Variants in TENM2 observed in about 807,000 individuals in gnomAD.
The protein encoded by TENM2 is teneurin-2.
In TENM2, 52 loss-of-function variants were observed where a neutral mutation model predicts 245.2. That is an observed-to-expected ratio of 0.21 (90% CI 0.17 to 0.27). The LOEUF (loss-of-function observed/expected upper bound fraction) is 0.27, where lower values mean the gene tolerates loss of function less well. Ranked by LOEUF, TENM2 falls within the 10% of genes least tolerant of loss-of-function variation. The pLI, the probability that TENM2 is intolerant of heterozygous loss-of-function variation, is 1.00. For synonymous variants in TENM2, 1,363 were observed against 1,438.9 expected, an observed-to-expected ratio of 0.95 and a Z score of 1.19; for missense variants, 3,046 against 3,666.8, an observed-to-expected ratio of 0.83 and a Z score of 4.37.
chr5:168,032,576 C>T (rs1308575562), intron 5 of TENM2, among the ~76,000 whole-genome samples: 1 of 151,752 alleles, frequency 6.6e-6, no homozygotes, highest in Non-Finnish European at 1.5e-5. Flanking sequence ...AGGACCGATC[C>T]CATAGGTCCA....
intron 2 of TENM2, among the ~76,000 whole-genome samples, chr5:167,452,931 T>TTTATATA (rs1264260420): frequency 2.1e-4 from 1 of 4,872 alleles, no homozygotes; most frequent in African/African-American, 3.6e-4. Context: ...AAAGTATGAT[T>TTTATATA]TATATATATA....
At chr5:167,595,451 G>A (rs1196173102) in intron 2 of TENM2, among the ~76,000 whole-genome samples, 1 of 152,152 alleles carries the variant, frequency 6.6e-6, no homozygotes, top group Non-Finnish European at 1.5e-5. Flanking sequence ...CATGATCAAG[G>A]TTTTTGACAT....
intron 2 of TENM2, among the ~76,000 whole-genome samples, chr5:167,808,501 C>G (rs565537033): frequency 6.6e-6 from 1 of 152,132 alleles, no homozygotes; most frequent in Non-Finnish European, 1.5e-5. Context: ...CTCAGGTGAT[C>G]AGCCTACCTC....
intron 12 of TENM2, among the ~76,000 whole-genome samples, chr5:168,158,416 C>T (rs1293296940): frequency 6.6e-6 from 1 of 152,092 alleles, no homozygotes; most frequent in African/African-American, 2.4e-5. Flanking sequence ...TTTATTCATT[C>T]AAGCACCTTC....
chr5:167,783,529 T>G (rs992088422), intron 2 of TENM2, among the ~76,000 whole-genome samples: 8 of 152,204 alleles, frequency 5.3e-5, no homozygotes, highest in Non-Finnish European at 1.0e-4. Flanking sequence ...TGCAGTTAGA[T>G]GCCACGGCAG....
At chr5:167,426,499 C>G (rs1237084779) in intron 2 of TENM2, among the ~76,000 whole-genome samples, 1 of 129,734 alleles carries the variant, frequency 7.7e-6, no homozygotes, top group Non-Finnish European at 1.6e-5. Flanking sequence ...TGCTTGAGCC[C>G]AAGTGTTTGA....
chr5:167,508,675 C>A (rs971493577), intron 2 of TENM2, among the ~76,000 whole-genome samples: 1 of 152,236 alleles, frequency 6.6e-6, no homozygotes, highest in Non-Finnish European at 1.5e-5. Context: ...TTATTTATCA[C>A]AAATTTAAAG....
intron 2 of TENM2, among the ~76,000 whole-genome samples, chr5:167,487,469 G>T (rs993980417): frequency 6.7e-6 from 1 of 148,278 alleles, no homozygotes; most frequent in African/African-American, 2.4e-5. Context: ...ATGTGTTTTT[G>T]TGTGTGTCTT....
At position 167,448,008 on chromosome 5, in the gene TENM2, G is replaced by C. The variant is rs1765333484; in HGVS notation, c.502+72535G>C. Among the ~76,000 whole-genome samples the C allele has an allele frequency of 2.0e-5, 3 of 152,128 alleles. No homozygotes were observed. The South Asian group carries it at 6.2e-4, about 32-fold the overall frequency. ...AGCTGTACTGGAGGAGCTGCTGCCA[G>C]GTATGGGTAGTGGAAATAGAGAAAA... On this transcript the variant is annotated intron_variant, in intron 2 of 28. Coordinates refer to ENST00000518659, the Ensembl canonical transcript of TENM2.
upstream of TENM2, among the ~76,000 whole-genome samples, chr5:167,280,748 A>G (rs7700377): frequency 0.057 from 7,546 of 132,242 alleles, 271 homozygotes; most frequent in East Asian, 0.14. Flanking sequence ...CTGTCTGTCT[A>G]TCTGTCTGTC....
At chr5:167,634,578 TCA>T (rs1024247539) in intron 2 of TENM2, among the ~76,000 whole-genome samples, 12 of 151,868 alleles carry the variant, frequency 7.9e-5, no homozygotes, top group African/African-American at 2.9e-4. Context: ...GTGCTAGGAC[TCA>T]CATTTTTGAT....
chr5:167,678,342 C>T (rs900501241), intron 2 of TENM2, among the ~76,000 whole-genome samples: 25 of 152,062 alleles, frequency 1.6e-4, no homozygotes, highest in African/African-American at 5.8e-4. Flanking sequence ...ATTAGTTCTT[C>T]CTTTTAAAAT....
At chr5:167,572,860 C>G (rs773251697) in intron 2 of TENM2, among the ~76,000 whole-genome samples, 1 of 152,212 alleles carries the variant, frequency 6.6e-6, no homozygotes, top group Non-Finnish European at 1.5e-5. Context: ...CTAGGACTCA[C>G]GAAAGCAATC....
At chr5:167,878,365 C>G (rs1462689922) in intron 3 of TENM2, among the ~76,000 whole-genome samples, 1 of 152,084 alleles carries the variant, frequency 6.6e-6, no homozygotes, top group African/African-American at 2.4e-5. Flanking sequence ...ATTTAAGGGT[C>G]CATTTTCATC....
At chr5:167,325,879 T>A (rs557207695) in intron 1 of TENM2, among the ~76,000 whole-genome samples, 259 of 152,286 alleles carry the variant, frequency 1.7e-3, no homozygotes, top group South Asian at 7.7e-3. Context: ...GTAAATTTTT[T>A]AAAAAGATAA....
At chr5:167,051,450 A>C in the TENM2 span, among the ~76,000 whole-genome samples, 1 of 149,592 alleles carries the variant, frequency 6.7e-6, no homozygotes, top group Admixed American at 6.6e-5. Context: ...AAAAGCTTGG[A>C]GTGTACATTT....
At chr5:167,982,669 G>T (rs765500744) in intron 4 of TENM2, among the ~76,000 whole-genome samples, 3 of 151,994 alleles carry the variant, frequency 2.0e-5, no homozygotes, top group Non-Finnish European at 4.4e-5. Flanking sequence ...TTGAGTCCAG[G>T]TGCACCTGGC....
At chr5:167,938,958 A>G (rs1197116119) in intron 3 of TENM2, among the ~76,000 whole-genome samples, 1 of 152,030 alleles carries the variant, frequency 6.6e-6, no homozygotes, top group Non-Finnish European at 1.5e-5. Context: ...AAAAAAAAAA[A>G]AATTGTTTGT....
intron 2 of TENM2, among the ~76,000 whole-genome samples, chr5:167,848,628 G>A (rs953558755): frequency 3.3e-5 from 5 of 152,086 alleles, no homozygotes; most frequent in African/African-American, 7.2e-5. Context: ...ATGATTTCTC[G>A]GACAGTCATT....
Sources: allele counts gnomAD v4.1 joint callset (sites outside exome capture counted in the v4.1 genomes callset), GRCh38; gene constraint gnomAD v4.1.1; transcripts MANE v1.5; gene names NCBI Gene and HGNC (gene_info 2026-07-23, HGNC 2026-07-21).